Variants in EPB41L4B observed in about 807,000 individuals in gnomAD.
EPB41L4B encodes erythrocyte membrane protein band 4.1 like 4B.
EPB41L4B carries 30 observed loss-of-function variants against 112.5 expected under a neutral mutation model. The ratio of observed to expected loss-of-function variants is 0.27; its 90% CI spans 0.20 to 0.36. EPB41L4B has a LOEUF of 0.36. Ranked by LOEUF, EPB41L4B falls within the 10% of genes least tolerant of loss-of-function variation. EPB41L4B has a pLI of 1.00. For missense variants in EPB41L4B, 1,024 were observed against 1,133.3 expected, an observed-to-expected ratio of 0.90 and a Z score of 1.38; for synonymous variants, 408 against 439.7, an observed-to-expected ratio of 0.93 and a Z score of 0.90.
At chr9:109,284,086 A>G (rs910845908) in intron 1 of EPB41L4B, among the ~76,000 whole-genome samples, 2 of 152,200 alleles carry the variant, frequency 1.3e-5, no homozygotes, top group Non-Finnish European at 2.9e-5. Context: ...TTGACTTAAA[A>G]AAAAAGAAAA....
At chr9:109,265,453 T>G (rs1390439750) in intron 4 of EPB41L4B, among the ~76,000 whole-genome samples, 2 of 152,160 alleles carry the variant, frequency 1.3e-5, no homozygotes, top group South Asian at 2.1e-4. Flanking sequence ...AACAAAAAGT[T>G]TGCAGCTGAT....
intron 6 of EPB41L4B, among the ~76,000 whole-genome samples, chr9:109,258,561 C>G (rs1469776612): frequency 2.0e-5 from 3 of 152,190 alleles, no homozygotes; most frequent in Non-Finnish European, 4.4e-5. Flanking sequence ...TTGTTCCCAC[C>G]CAGGGAAGCA....
intron 20 of EPB41L4B, among the ~76,000 whole-genome samples, chr9:109,194,633 A>G (rs113877274): frequency 0.017 from 2,610 of 152,328 alleles, 78 homozygotes; most frequent in African/African-American, 0.06. Context: ...TTGGTAAAAT[A>G]TATACAATAT....
chr9:109,320,549 C>T lies in EPB41L4B; in HGVS notation c.-103G>A, dbSNP rs1329170292. 2 of 628,946 alleles carry T rather than the reference C, an allele frequency of 3.2e-6. No individual in the cohort carries two copies. Among genetic ancestry groups the T allele is most frequent in the Non-Finnish European group, 3.9e-6 (2 of 508,178 alleles). The allele number at this position is 628,946 out of a possible 1,614,324, so 39.0% of individuals were successfully genotyped here. ...AGCGTCCCGCGACGCCGTCAGTGCC[C>T]TCGGCCGCCCGCGCCGCCTCTCGCG... On this transcript the variant is annotated 5_prime_UTR_variant, in exon 1 of 26. Transcript: ENST00000374566.
chr9:109,202,572 G>A (rs1832871095), intron 19 of EPB41L4B, among the ~76,000 whole-genome samples: 1 of 152,156 alleles, frequency 6.6e-6, no homozygotes, highest in Non-Finnish European at 1.5e-5. Context: ...CCCTGCTGGT[G>A]TTAGTAAACC....
chr9:109,226,129 C>T (rs1833750774), intron 15 of EPB41L4B, among the ~76,000 whole-genome samples: 1 of 152,192 alleles, frequency 6.6e-6, no homozygotes, highest in Non-Finnish European at 1.5e-5. Context: ...CAGATCCTTT[C>T]TCTGCTCCCC....
At chr9:109,234,690 C>T (rs547708549) in intron 15 of EPB41L4B, among the ~76,000 whole-genome samples, 59 of 152,174 alleles carry the variant, frequency 3.9e-4, no homozygotes, top group African/African-American at 1.3e-3. Flanking sequence ...ATGGCAAGAC[C>T]CCATCTCTAC....
At chr9:109,280,509 A>G (rs1303233649) in intron 1 of EPB41L4B, among the ~76,000 whole-genome samples, 6 of 152,184 alleles carry the variant, frequency 3.9e-5, no homozygotes, top group Non-Finnish European at 7.4e-5. Flanking sequence ...AGTCGGAGAA[A>G]CAAGGGGTCA....
rs1374798328 is a variant in EPB41L4B at position 109,173,028 on chromosome 9, A to G, written c.*1526T>C. The G allele has an allele frequency of 1.3e-5, 2 of 152,624 alleles. No individual in the cohort carries two copies. Among genetic ancestry groups the G allele is most frequent in the African/African-American group, 4.8e-5 (2 of 41,474 alleles). The allele number at this position is 152,624 out of a possible 1,614,324, so 9.5% of individuals were successfully genotyped here. Reference sequence around the variant, plus strand: ...AACATTTTACACACAAGGAAATACAACTAGTAAATCATCACATGGAAAAGT... The same window carrying G: ...AACATTTTACACACAAGGAAATACAGCTAGTAAATCATCACATGGAAAAGT... On this transcript the variant is annotated 3_prime_UTR_variant, in exon 26 of 26. Transcript: ENST00000374566.
In EPB41L4B at chr9:109,267,493, G is replaced by T. The variant is rs1443064593; in HGVS notation, c.513C>A (p.Asn171Lys). 1.9e-6 allele frequency: 3 copies of T among 1,613,500 alleles called. No homozygotes were observed. The highest frequency in any genetic ancestry group is 1.7e-6 in the Non-Finnish European group (2 of 1,179,556). The change falls in exon 4 of 26, where the codon AAC (asparagine) becomes AAA (lysine). Residue 171 changes from asparagine (N) to lysine (K), a missense_variant. Physicochemically the swap from Asn to Lys is moderately conservative, Grantham distance 94. Transcript: ENST00000374566. ...CCTACCTTGTAAACTCCTCACGAAG[G>T]TTGTTTGGTTCTGAAGAATAGTATT... is the stretch of plus-strand genomic sequence containing the variant. ...RVKYYSSEPN[N>K]LREEFTRYLF...
intron 21 of EPB41L4B, 55 bp from the exon 22 acceptor site, chr9:109,192,410 G>T: frequency 7.1e-7 from 1 of 1,399,520 alleles, no homozygotes; most frequent in South Asian, 1.3e-5. Context: ...TGATGATAAA[G>T]TTCACCAGAA....
At position 109,290,025 on chromosome 9, in the gene EPB41L4B, C is replaced by T. The variant is rs1017804390; in HGVS notation, c.307-10104G>A. ...GGTGCTGGGGTATCTTTCTGTTCTTCGACAGTACCTAACGGCACCTGTCCG... is the reference window on the plus strand; with the variant it reads ...GGTGCTGGGGTATCTTTCTGTTCTTTGACAGTACCTAACGGCACCTGTCCG... On this transcript the variant is annotated intron_variant, in intron 1 of 25. Coordinates refer to ENST00000374566, the MANE Select transcript of EPB41L4B (RefSeq NM_019114.5). Among the ~76,000 whole-genome samples, 11 of 152,274 alleles carry T rather than the reference C, an allele frequency of 7.2e-5. No individual in the cohort carries two copies. The East Asian group carries it at 1.5e-3, about 21-fold the overall frequency.
At chr9:109,227,615 C>A (rs1009383589) in intron 15 of EPB41L4B, among the ~76,000 whole-genome samples, 6 of 151,312 alleles carry the variant, frequency 4.0e-5, no homozygotes, top group Non-Finnish European at 7.4e-5. Flanking sequence ...CGGAGTCTTG[C>A]TCTGTCATCA....
At chr9:109,230,798 A>G (rs897974754) in intron 15 of EPB41L4B, among the ~76,000 whole-genome samples, 4 of 152,142 alleles carry the variant, frequency 2.6e-5, no homozygotes, top group Non-Finnish European at 4.4e-5. Flanking sequence ...ATAGCAACTT[A>G]GTGGTCTTAT....
At chr9:109,281,714 A>T (rs1364837186) in intron 1 of EPB41L4B, among the ~76,000 whole-genome samples, 47 of 124,854 alleles carry the variant, frequency 3.8e-4, no homozygotes, top group South Asian at 3.5e-3. Context: ...ATAAATAAAT[A>T]AATAAATAAA....
At chr9:109,216,495 G>T (rs1833369992) in intron 16 of EPB41L4B, among the ~76,000 whole-genome samples, 1 of 151,986 alleles carries the variant, frequency 6.6e-6, no homozygotes, top group Non-Finnish European at 1.5e-5. Context: ...ACAAAAATTA[G>T]TTGGGTGTGG....
At chr9:109,224,598 G>A (rs545714250) in intron 15 of EPB41L4B, among the ~76,000 whole-genome samples, 42 of 152,174 alleles carry the variant, frequency 2.8e-4, no homozygotes, top group Non-Finnish European at 5.3e-4. Context: ...TTCTTCTAGG[G>A]GTGATGAAAA....
chr9:109,179,786 G>C (rs1337428433), intron 24 of EPB41L4B, among the ~76,000 whole-genome samples: 1 of 152,012 alleles, frequency 6.6e-6, no homozygotes, highest in Non-Finnish European at 1.5e-5. Context: ...TTCCCTATCT[G>C]TGCACTTCTG....
intron 15 of EPB41L4B, among the ~76,000 whole-genome samples, chr9:109,217,479 G>C (rs1244596388): frequency 6.6e-6 from 1 of 152,144 alleles, no homozygotes; most frequent in Non-Finnish European, 1.5e-5. Flanking sequence ...ATAATCCTAT[G>C]ACAAGATCAT....
Sources: allele counts gnomAD v4.1 joint callset (sites outside exome capture counted in the v4.1 genomes callset), GRCh38; gene constraint gnomAD v4.1.1; transcripts MANE v1.5; gene names NCBI Gene and HGNC (gene_info 2026-07-23, HGNC 2026-07-21).